EDRF1: variants seen among roughly 807,000 people sequenced by gnomAD.
EDRF1 encodes erythroid differentiation-related factor 1.
Under a neutral mutation model 148.7 loss-of-function variants are expected in EDRF1, and 69 were observed. The observed-to-expected ratio is 0.46, with a 90% CI of 0.38 to 0.57. The LOEUF is 0.57. Among genes scored for constraint, EDRF1 ranks in the 20% least tolerant of loss-of-function variants. The probability of loss-of-function intolerance (pLI) is 0.00; values close to 1 mark genes in which losing one functional copy is unlikely to be tolerated. For missense variants in EDRF1, 1,118 were observed against 1,478.7 expected (o/e 0.76, Z 4.00); for synonymous variants, 515 against 532.8 (o/e 0.97, Z 0.46).
Position 125,729,027 on chromosome 10 carries a change from T to A in EDRF1, c.817T>A (p.Tyr273Asn), listed in dbSNP as rs1396191176. ...GGGAAGTGAGCCTCTTGAACCCTCA[T>A]ACATAGTGGGGCATGTGGCCTCAGC... The part of the protein sequence containing the change: ...SQGSEPLEPS[Y>N]IVGHVASAPK... Residue 273 changes from tyrosine (Y) to asparagine (N), a missense_variant, in exon 7 of 25, where the codon TAC (tyrosine) becomes AAC (asparagine). Tyr to Asn is a moderately radical substitution (Grantham distance 143). Around this residue, in one of 3 missense-constraint regions of EDRF1, gnomAD observed 954 missense variants for 1,241.4 expected, o/e 0.77. Coordinates refer to ENST00000356792, the MANE Select transcript of EDRF1 (RefSeq NM_001202438.2). The A allele has an allele frequency of 2.5e-6, 4 of 1,583,038 alleles. No homozygotes were observed. Among genetic ancestry groups the A allele is most frequent in the African/African-American group, 2.7e-5 (2 of 74,698 alleles).
chr10:125,752,755 A>C (rs764101525), intron 22 of EDRF1, 44 bp from the exon 23 acceptor site: 1 of 1,314,076 alleles, frequency 7.6e-7, no homozygotes, highest in East Asian at 2.3e-5. Flanking sequence ...ATGGGTTTCT[A>C]GATTTATATT....
At chr10:125,737,481 A>G (rs377626762) in intron 13 of EDRF1, among the ~76,000 whole-genome samples, 11 of 152,258 alleles carry the variant, frequency 7.2e-5, no homozygotes, top group African/African-American at 1.2e-4. Context: ...TTCCAACCCC[A>G]CGGGATTCAG....
At chr10:125,753,536 T>C (rs1849745833) in intron 23 of EDRF1, among the ~76,000 whole-genome samples, 158 bp from the exon 24 acceptor site, 1 of 152,242 alleles carries the variant, frequency 6.6e-6, no homozygotes, top group Non-Finnish European at 1.5e-5. Flanking sequence ...TTATGTGTTT[T>C]AGTCTATCAA....
chr10:125,723,739 G>A, intron 3 of EDRF1, 72 bp from the exon 4 acceptor site: 3 of 1,464,376 alleles, frequency 2.0e-6, no homozygotes, highest in Non-Finnish European at 2.9e-6. Flanking sequence ...AATGAATGAA[G>A]CTAAAATTTA....
At chr10:125,755,672 A>C (rs1241419122) in intron 24 of EDRF1, among the ~76,000 whole-genome samples, 1 of 152,198 alleles carries the variant, frequency 6.6e-6, no homozygotes, top group South Asian at 2.1e-4. Context: ...ATTTCTTTTC[A>C]TGGATACAGT....
chr10:125,754,728 T>A (rs151003647), intron 24 of EDRF1, among the ~76,000 whole-genome samples: 20 of 152,368 alleles, frequency 1.3e-4, no homozygotes, highest in Non-Finnish European at 2.8e-4. Flanking sequence ...ATATCAATGA[T>A]ATGCCTTCCT....
intron 24 of EDRF1, among the ~76,000 whole-genome samples, chr10:125,754,106 C>G (rs1849775042): frequency 6.6e-6 from 1 of 151,292 alleles, no homozygotes. Flanking sequence ...ATCCTAGCTA[C>G]AGGGGAGGCT....
chr10:125,738,093 C>T (rs771136563), intron 14 of EDRF1, 104 bp downstream of exon 14: 1 of 1,380,156 alleles, frequency 7.2e-7, no homozygotes, highest in Non-Finnish European at 1.0e-6. Context: ...TTGTGTTCTG[C>T]TGCGATTTTT....
chr10:125,747,708 C>T lies in EDRF1; in HGVS notation c.2973+14C>T, dbSNP rs376795579. The T allele has an allele frequency of 1.5e-5, 24 of 1,614,008 alleles. No individual in the cohort carries two copies. The African/African-American group carries it at 2.4e-4, about 16-fold the overall frequency. ...GCTCAGGAGCAGGTGATAATATTTG[C>T]TGGAGTATAAAATAAGTTCTCAATC... On this transcript the variant is annotated intron_variant, in intron 20 of 24. Coordinates refer to ENST00000356792, the MANE Select transcript of EDRF1 (RefSeq NM_001202438.2).
At chr10:125,756,919 C>G (rs964306840) in intron 24 of EDRF1, 11 of 398,992 alleles carry the variant, frequency 2.8e-5, no homozygotes, top group African/African-American at 1.7e-4. Context: ...CTCAAGCAAT[C>G]CCCCACCTCA....
chr10:125,738,310 G>C lies in EDRF1; in HGVS notation c.1846G>C (p.Asp616His). 1 of 1,613,890 alleles carries C rather than the reference G, an allele frequency of 6.2e-7. No individual in the cohort carries two copies. The highest frequency in any genetic ancestry group is 8.5e-7 in the Non-Finnish European group (1 of 1,179,950). Reference sequence around the variant, plus strand: ...TTTTTTGCAGGGTTTAAAATCTGTCGATAGCAGCATCAAAAAAGAAAGCGA... The same window carrying C: ...TTTTTTGCAGGGTTTAAAATCTGTCCATAGCAGCATCAAAAAAGAAAGCGA... ...SYVLEGLKSV[D>H]SSIKKESDLP... Residue 616 changes from aspartate (D) to histidine (H), a missense_variant, in exon 15 of 25, where the codon GAT (aspartate) becomes CAT (histidine). This residue lies in a region of EDRF1 where 954 missense variants were observed against 1,241.4 expected (regional missense o/e 0.77). Transcript: ENST00000356792.
intron 2 of EDRF1, 121 bp downstream of exon 2, chr10:125,721,533 C>G (rs1285523847): frequency 2.1e-6 from 2 of 969,952 alleles, no homozygotes; most frequent in East Asian, 2.6e-5. Context: ...AGAGAAAGAT[C>G]ACATTTGATT....
At chr10:125,744,202 T>G (rs564755949) in intron 18 of EDRF1, among the ~76,000 whole-genome samples, 30 of 151,280 alleles carry the variant, frequency 2.0e-4, no homozygotes, top group East Asian at 1.2e-3. Context: ...GGCCTTTGGT[T>G]TTGGTTTTGG....
chr10:125,747,584 A>G lies in EDRF1; in HGVS notation c.2863A>G (p.Ile955Val), dbSNP rs756241297. Residue 955 changes from isoleucine to valine, a missense_variant, in exon 20 of 25, where the codon ATA (isoleucine) becomes GTA (valine). Coordinates refer to ENST00000356792, the MANE Select transcript of EDRF1 (RefSeq NM_001202438.2). ...KALRSLGTRD[I>V]HPAVWDSVNW... ...GCTAAGGTCATTGGGAACACGAGAC[A>G]TACACCCAGCTGTTTGGGATTCAGT... 2.5e-6 allele frequency: 4 copies of G among 1,614,204 alleles called. No homozygotes were observed. Among genetic ancestry groups the G allele is most frequent in the East Asian group, 2.2e-5 (1 of 44,884 alleles).
intron 18 of EDRF1, among the ~76,000 whole-genome samples, chr10:125,743,954 C>A (rs1236579581): frequency 6.6e-6 from 1 of 152,062 alleles, no homozygotes; most frequent in East Asian, 1.9e-4. Flanking sequence ...GATGGTAAAC[C>A]ATTTGGGCCC....
intron 19 of EDRF1, among the ~76,000 whole-genome samples, chr10:125,746,166 C>G (rs183591525): frequency 6.6e-6 from 1 of 152,050 alleles, no homozygotes; most frequent in Non-Finnish European, 1.5e-5. Flanking sequence ...GTTTGTACAA[C>G]GAGCATGAAT....
chr10:125,737,995 T>A lies in EDRF1; in HGVS notation c.1830+6T>A, dbSNP rs757485779. The A allele has an allele frequency of 6.2e-7, 1 of 1,613,492 alleles. No individual in the cohort carries two copies. Among genetic ancestry groups the A allele is most frequent in the Non-Finnish European group, 8.5e-7 (1 of 1,179,502 alleles). On this transcript the variant is annotated splice_donor_region_variant and intron_variant, in intron 14 of 24. Coordinates refer to ENST00000356792, the MANE Select transcript of EDRF1 (RefSeq NM_001202438.2). The stretch of plus-strand genomic sequence containing the variant: ...TGCTTAGCTATGTTCTAGAGGTAAG[T>A]TTAAGTTTAGTCTTCACTTTTTTCG...
chr10:125,751,404 G>GTT (rs60964364), intron 22 of EDRF1, among the ~76,000 whole-genome samples: 2,532 of 140,296 alleles, frequency 0.018, 51 homozygotes, highest in African/African-American at 0.044. Context: ...TTTACCCAGT[G>GTT]TTTTTTTTTT....
chr10:125,734,073 G>T lies in EDRF1; in HGVS notation c.1387G>T (p.Val463Phe), dbSNP rs1664161455. 6.2e-7 allele frequency: 1 copy of T among 1,611,500 alleles called. No individual in the cohort carries two copies. Among genetic ancestry groups the T allele is most frequent in the Non-Finnish European group, 8.5e-7 (1 of 1,177,930 alleles). ...AGTTGATATAAACTCTTTTTTTAGGGTTGCTTGCAACATGATGATGAAGAA... is the reference window on the plus strand; with the variant it reads ...AGTTGATATAAACTCTTTTTTTAGGTTTGCTTGCAACATGATGATGAAGAA... ...TMPVAILLYKVACNMMMKKNQ... is the reference protein window; with the variant it reads ...TMPVAILLYKFACNMMMKKNQ... Residue 463 changes from valine (V) to phenylalanine (F), a missense_variant and splice_region_variant, in exon 12 of 25, where the codon GTT becomes TTT. Physicochemically the swap from Val to Phe is conservative, Grantham distance 50. Coordinates refer to ENST00000356792, the MANE Select transcript of EDRF1 (RefSeq NM_001202438.2).
Sources: allele counts gnomAD v4.1 joint callset (sites outside exome capture counted in the v4.1 genomes callset), GRCh38; gene constraint gnomAD v4.1.1; regional missense constraint gnomAD v4.1.1; transcripts MANE v1.5; gene names NCBI Gene and HGNC (gene_info 2026-07-23, HGNC 2026-07-21).